The following KLC1 variants were observed in gnomAD, a reference collection of about 807,000 sequenced individuals.
KLC1 encodes the protein kinesin light chain 1, also known as kinesin 2 60/70kDa.
A neutral mutation model predicts 84.2 loss-of-function variants in KLC1; 30 were observed. That is an observed-to-expected ratio of 0.36 (90% confidence interval 0.27 to 0.48). KLC1 has a LOEUF of 0.48. Ranked by LOEUF, KLC1 falls within the 20% of genes least tolerant of loss-of-function variation. The pLI is 0.99. For missense variants in KLC1, 499 were observed against 805.4 expected (o/e 0.62, Z 4.60); for synonymous variants, 289 against 293.3 (o/e 0.99, Z 0.15).
chr14:103,664,851 T>C (rs902597420), intron 5 of KLC1, among the ~76,000 whole-genome samples: 25 of 147,370 alleles, frequency 1.7e-4, no homozygotes, highest in African/African-American at 7.5e-5. Flanking sequence ...TTTAAACTTA[T>C]ATGCCCATTA....
chr14:103,690,753 G>A (rs962651613), intron 14 of KLC1, among the ~76,000 whole-genome samples: 3 of 152,212 alleles, frequency 2.0e-5, no homozygotes, highest in East Asian at 1.9e-4. Flanking sequence ...GGTGAACAAC[G>A]ATAGTCATTT....
chr14:103,672,898 G>C, intron 7 of KLC1, 116 bp from the exon 8 acceptor site: 1 of 878,324 alleles, frequency 1.1e-6, no homozygotes, highest in Non-Finnish European at 1.8e-6. Context: ...ATTTAAATCT[G>C]AAAGTGTAGC....
intron 14 of KLC1, among the ~76,000 whole-genome samples, chr14:103,691,683 G>C (rs892501907): frequency 6.6e-6 from 1 of 151,900 alleles, no homozygotes; most frequent in African/African-American, 2.4e-5. Context: ...TGCTCAGGCT[G>C]GTCTCAAACT....
intron 7 of KLC1, among the ~76,000 whole-genome samples, chr14:103,672,356 G>A (rs1054342198): frequency 8.5e-5 from 13 of 152,186 alleles, no homozygotes; most frequent in Admixed American, 7.9e-4. Context: ...ATCTATCTCT[G>A]TGCCAGACCC....
Position 103,701,447 on chromosome 14 carries a change from TG to T in KLC1, c.*251del. On this transcript the variant is annotated 3_prime_UTR_variant, in exon 17 of 17. Transcript: ENST00000334553. Reference sequence around the variant, plus strand: ...CTCCCAGGAGACCTGGGGCATGAGCTGGGCCCACGGCTCCCTTCCCATGTGT... The same window carrying T: ...CTCCCAGGAGACCTGGGGCATGAGCTGGCCCACGGCTCCCTTCCCATGTGT... 1 of 444,290 alleles carries T rather than the reference TG, an allele frequency of 2.3e-6. No homozygotes were observed. The highest frequency in any genetic ancestry group is 5.0e-5 in the South Asian group (1 of 19,962). 27.5% of individuals were successfully genotyped at this position (444,290 alleles called of 1,614,324 possible). A position where few individuals can be genotyped will look rare whatever the true frequency, so the allele number is the denominator to read the frequency against.
In KLC1 at chr14:103,694,440, G is replaced by A; in HGVS notation, c.1848+2015G>A. The A allele has an allele frequency of 1.0e-6, 1 of 985,256 alleles. No individual in the cohort carries two copies. The highest frequency in any genetic ancestry group is 1.2e-6 in the Non-Finnish European group (1 of 829,812). The allele number at this position is 985,256 out of a possible 1,614,324, so 61.0% of individuals were successfully genotyped here. ...AAGGTCAGGAGATCGAGACCATCCT[G>A]GCTAACATGGCGTTTCACTTTTTAA... On this transcript the variant is annotated intron_variant, in intron 15 of 16. Transcript: ENST00000334553. This position sits in a 1 kb window ranked among gnomAD's most constrained non-coding sequence, Gnocchi z 4.5.
chr14:103,631,234 C>A (rs1044412406), intron 1 of KLC1, among the ~76,000 whole-genome samples: 3 of 152,044 alleles, frequency 2.0e-5, no homozygotes, highest in Admixed American at 2.0e-4. Context: ...GCGCCCGCCA[C>A]CACGCCCGGT....
At chr14:103,685,167 C>T (rs2081680926) in intron 13 of KLC1, 13 of 1,457,118 alleles carry the variant, frequency 8.9e-6, no homozygotes, top group Non-Finnish European at 1.2e-5. Context: ...TTATCAACTG[C>T]ATGTTTAAAA....
At chr14:103,678,526 GT>G (rs200927025) in intron 12 of KLC1, among the ~76,000 whole-genome samples, 41 of 147,262 alleles carry the variant, frequency 2.8e-4, no homozygotes, top group Non-Finnish European at 4.2e-4. Context: ...CTCTACAAAA[GT>G]TTTTTTTTTT....
intron 1 of KLC1, among the ~76,000 whole-genome samples, chr14:103,629,738 G>A (rs2076526563): frequency 6.8e-6 from 1 of 146,204 alleles, no homozygotes; most frequent in Non-Finnish European, 1.5e-5. Flanking sequence ...TGCCAGCCCC[G>A]GCTCCCGGCG....
At chr14:103,669,868 AATTAT>A (rs1420992064) in intron 6 of KLC1, among the ~76,000 whole-genome samples, 4 of 152,152 alleles carry the variant, frequency 2.6e-5, no homozygotes, top group African/African-American at 9.6e-5. Flanking sequence ...TTTTTCTGAA[AATTAT>A]ATTGTCTTCA....
intron 5 of KLC1, 86 bp downstream of exon 5, chr14:103,663,013 C>T: frequency 1.2e-6 from 1 of 854,816 alleles, no homozygotes. Context: ...TTTTATGTAT[C>T]TGTATAAACT....
intron 15 of KLC1, chr14:103,700,312 AC>A (rs764973490): frequency 1.2e-4 from 32 of 263,458 alleles, no homozygotes; most frequent in East Asian, 4.4e-4. Context: ...CCAGGGGAGG[AC>A]CCCCCCAGTG....
chr14:103,681,773 G>A (rs575132253), intron 13 of KLC1, among the ~76,000 whole-genome samples: 1 of 152,212 alleles, frequency 6.6e-6, no homozygotes, highest in South Asian at 2.1e-4. Context: ...TAAATGGTAG[G>A]GCAGTATGCA....
chr14:103,635,727 T>G (rs1351791439), intron 1 of KLC1, among the ~76,000 whole-genome samples: 2 of 151,602 alleles, frequency 1.3e-5, no homozygotes, highest in Non-Finnish European at 2.9e-5. Context: ...CACTCCAGCC[T>G]GGGCGACAGA....
chr14:103,657,059 A>G (rs1261797039), intron 2 of KLC1, among the ~76,000 whole-genome samples: 2 of 152,146 alleles, frequency 1.3e-5, no homozygotes, highest in East Asian at 3.9e-4. Flanking sequence ...TGGTAGCTAC[A>G]GAGATGTCTT....
chr14:103,686,929 A>G lies in KLC1; in HGVS notation c.1651-152A>G, dbSNP rs2081813913. The G allele has an allele frequency of 7.1e-6, 3 of 425,428 alleles. No individual in the cohort carries two copies. In the South Asian group the frequency reaches 1.2e-4, roughly 18 times the overall value. The allele number at this position is 425,428 out of a possible 1,614,324, so 26.4% of individuals were successfully genotyped here. On this transcript the variant is annotated intron_variant, in intron 13 of 16. Coordinates refer to ENST00000334553, the MANE Select transcript of KLC1 (RefSeq NM_001394837.1). ...TTCTAGTTAAAGTATATTCACGTAC[A>G]TGGTAATTGGTGGTTTCTGCAAGAC...
chr14:103,663,637 T>C (rs2079491032), intron 5 of KLC1, among the ~76,000 whole-genome samples: 1 of 152,202 alleles, frequency 6.6e-6, no homozygotes, highest in Non-Finnish European at 1.5e-5. Context: ...GGATTCAACT[T>C]GCCCTTTGCC....
intron 13 of KLC1, chr14:103,684,719 C>T (rs1018635889): frequency 8.0e-5 from 35 of 435,514 alleles, no homozygotes; most frequent in Middle Eastern, 6.3e-4. Context: ...AGCGTGTGTG[C>T]ACGCGTGTGT....
Sources: allele counts gnomAD v4.1 joint callset (sites outside exome capture counted in the v4.1 genomes callset), GRCh38; gene constraint gnomAD v4.1.1; non-coding constraint Gnocchi (gnomAD v3.1); transcripts MANE v1.5; gene names NCBI Gene and HGNC (gene_info 2026-07-23, HGNC 2026-07-21).